EDNRB: variants seen among roughly 807,000 people sequenced by gnomAD.
The protein encoded by EDNRB is Hirschsprung disease 2.
Under a neutral mutation model 46.4 loss-of-function variants are expected in EDNRB, and 18 were observed. The ratio of observed to expected loss-of-function variants is 0.39; its 90% CI spans 0.27 to 0.57. EDNRB has a LOEUF of 0.57. Among genes scored for constraint, EDNRB ranks in the 20% least tolerant of loss-of-function variants. The pLI is 0.61. For synonymous variants in EDNRB, 213 were observed against 204.9 expected (o/e 1.04, Z -0.34); for missense variants, 434 against 537.5 (o/e 0.81, Z 1.90).
chr13:77,958,679 G>T (rs1173945892), intron 1 of EDNRB, among the ~76,000 whole-genome samples: 2 of 152,122 alleles, frequency 1.3e-5, no homozygotes, highest in African/African-American at 4.8e-5. Flanking sequence ...CAGCCCCCAG[G>T]TTATTTTAAT....
At chr13:77,974,244 A>G (rs969017146) in intron 1 of EDNRB, among the ~76,000 whole-genome samples, 13 of 151,184 alleles carry the variant, frequency 8.6e-5, no homozygotes, top group Admixed American at 4.0e-4. Flanking sequence ...TGCTTTTTTG[A>G]TTTAGGATAT....
At chr13:77,950,332 C>T (rs958887670) in intron 1 of EDNRB, among the ~76,000 whole-genome samples, 15 of 152,304 alleles carry the variant, frequency 9.8e-5, no homozygotes, top group African/African-American at 3.1e-4. Flanking sequence ...TAGGAGGCTC[C>T]ACTACAAGTA....
At chr13:77,957,925 C>T (rs1471546670) in intron 1 of EDNRB, among the ~76,000 whole-genome samples, 1 of 152,172 alleles carries the variant, frequency 6.6e-6, no homozygotes, top group African/African-American at 2.4e-5. Context: ...TGATTTACTC[C>T]AAGGCCACGT....
rs1041361359 is a variant in EDNRB at position 77,897,303 on chromosome 13, T to C, written c.*897A>G. 1.4e-5 allele frequency: 14 copies of C among 985,114 alleles called. No homozygotes were observed. In the African/African-American group the frequency reaches 2.3e-4, roughly 16 times the overall value. 61.0% of individuals were successfully genotyped at this position (985,114 alleles called of 1,614,324 possible). A position where few individuals can be genotyped will look rare whatever the true frequency, so the allele number is the denominator to read the frequency against. ...CCAAACAGAGTTTAAGCTACGATAG[T>C]GAAAGAAGAAGATTTTAATAATCCT... On this transcript the variant is annotated 3_prime_UTR_variant, in exon 7 of 7. Coordinates refer to ENST00000646607, the MANE Select transcript of EDNRB (RefSeq NM_001122659.3).
intron 1 of EDNRB, among the ~76,000 whole-genome samples, chr13:77,944,525 A>G (rs2137668069): frequency 6.6e-6 from 1 of 152,270 alleles, no homozygotes; most frequent in Admixed American, 6.5e-5. Flanking sequence ...AGAAATTAGA[A>G]ATCATTTACT....
chr13:77,918,765 CTT>C lies in EDNRB; in HGVS notation c.-194_-193del. 7.5e-7 allele frequency: 1 copy of C among 1,338,062 alleles called. No individual in the cohort carries two copies. The highest frequency in any genetic ancestry group is 9.5e-7 in the Non-Finnish European group (1 of 1,050,514). The allele number at this position is 1,338,062 out of a possible 1,614,324, so 82.9% of individuals were successfully genotyped here. A position where few individuals can be genotyped will look rare whatever the true frequency, so the allele number is the denominator to read the frequency against. On this transcript the variant is annotated 5_prime_UTR_variant, in exon 1 of 7. An upstream open reading frame in the 5' UTR loses its in-frame stop. Transcript: ENST00000646607. The surrounding 1 kb of genome is among the most constrained non-coding windows in gnomAD (Gnocchi z 4.5). The stretch of plus-strand genomic sequence containing the variant: ...CTCAAGTTTGCGCGCCAGTGGGAAA[CTT>C]GGCGCTCATGACTCGCCAGCGCGGG...
rs931010259 is a variant in EDNRB at position 77,937,377 on chromosome 13, G to A, written c.-51-18753C>T. Among the ~76,000 whole-genome samples the A allele has an allele frequency of 3.9e-5, 6 of 152,312 alleles. No individual in the cohort carries two copies. In the South Asian group the frequency reaches 6.2e-4, roughly 16 times the overall value. On this transcript the variant is annotated intron_variant, in intron 1 of 7. Coordinates refer to the EDNRB transcript ENST00000646948. ...GTGAAGCCAGCGGTTATCAGCGTGA[G>A]ATTGGGCTAGAGAAAAAACTCTTTC...
At chr13:77,938,345 G>A (rs559274220) in intron 1 of EDNRB, among the ~76,000 whole-genome samples, 1 of 152,076 alleles carries the variant, frequency 6.6e-6, no homozygotes, top group Non-Finnish European at 1.5e-5. Context: ...ACAGAGATAA[G>A]AGGTCGGGGT....
intron 1 of EDNRB, among the ~76,000 whole-genome samples, chr13:77,972,374 A>G (rs1881761319): frequency 6.6e-6 from 1 of 152,196 alleles, no homozygotes; most frequent in Non-Finnish European, 1.5e-5. Flanking sequence ...TTAATTGCTA[A>G]AGTTTGTTTT....
At chr13:77,937,999 G>C (rs1178154243) in intron 1 of EDNRB, among the ~76,000 whole-genome samples, 1 of 152,188 alleles carries the variant, frequency 6.6e-6, no homozygotes, top group Non-Finnish European at 1.5e-5. Flanking sequence ...AAAATTGAAA[G>C]TGCCATTTTC....
rs1878597424 is a variant in EDNRB at position 77,895,862 on chromosome 13, T to C, written c.*2338A>G. ...ATACTAAAAGGTGTTTGAACATACATCCACATTAGCAGTGGATAATAAGGG... is the reference window on the plus strand; with the variant it reads ...ATACTAAAAGGTGTTTGAACATACACCCACATTAGCAGTGGATAATAAGGG... On this transcript the variant is annotated 3_prime_UTR_variant, in exon 7 of 7. Coordinates refer to ENST00000646607, the MANE Select transcript of EDNRB (RefSeq NM_001122659.3). The C allele has an allele frequency of 6.6e-6, 1 of 152,344 alleles. No homozygotes were observed. Among genetic ancestry groups the C allele is most frequent in the Non-Finnish European group, 1.5e-5 (1 of 68,212 alleles). The allele number at this position is 152,344 out of a possible 1,614,324, so 9.4% of individuals were successfully genotyped here.
intron 1 of EDNRB, among the ~76,000 whole-genome samples, chr13:77,955,711 C>T (rs996761014): frequency 1.3e-5 from 2 of 152,004 alleles, no homozygotes; most frequent in African/African-American, 4.8e-5. Context: ...TTTTCCAATA[C>T]TGTTTATTAA....
chr13:77,954,319 A>G (rs1258084415), intron 1 of EDNRB, among the ~76,000 whole-genome samples: 1 of 151,946 alleles, frequency 6.6e-6, no homozygotes, highest in African/African-American at 2.4e-5. Context: ...ACACCATTCT[A>G]TTGTCTACTT....
upstream of EDNRB, among the ~76,000 whole-genome samples, chr13:77,923,116 T>C (rs182336609): frequency 6.6e-6 from 1 of 152,288 alleles, no homozygotes; most frequent in African/African-American, 2.4e-5. Context: ...TAACTAGAAA[T>C]AAGACTTCAT....
chr13:77,919,383 G>T, upstream of EDNRB: 1 of 1,606,078 alleles, frequency 6.2e-7, no homozygotes, highest in Non-Finnish European at 8.5e-7. Context: ...TCAACACCAA[G>T]CCCGAATGTT....
At chr13:77,922,807 G>A (rs1880123411), upstream of EDNRB, among the ~76,000 whole-genome samples, 2 of 152,124 alleles carry the variant, frequency 1.3e-5, no homozygotes, top group African/African-American at 4.8e-5. Flanking sequence ...CCAAATGTTT[G>A]CAATCCTGTG....
At chr13:77,952,282 G>C (rs1200121260) in intron 1 of EDNRB, among the ~76,000 whole-genome samples, 1 of 152,048 alleles carries the variant, frequency 6.6e-6, no homozygotes, top group Non-Finnish European at 1.5e-5. Context: ...CTGCTACAAG[G>C]GTTTGTGATA....
In EDNRB at chr13:77,918,494, T is replaced by C; in HGVS notation, c.80A>G (p.Glu27Gly). The C allele has an allele frequency of 6.4e-7, 1 of 1,568,446 alleles. No homozygotes were observed. The highest frequency in any genetic ancestry group is 1.2e-5 in the South Asian group (1 of 81,512). ...LACGLSRIWGEERGFPPDRAT... is the reference protein window; with the variant it reads ...LACGLSRIWGGERGFPPDRAT... ...CCTGTCAGGCGGGAAGCCTCTCTCC[T>C]CTCCCCAGATCCGCGACAGGCCGCA... The change falls in exon 1 of 7, where the codon GAG becomes GGG. Residue 27 changes from glutamate to glycine, a missense_variant. By Grantham distance (98) the Glu-to-Gly change is moderately conservative. Transcript: ENST00000646607. The surrounding 1 kb of genome is among the most constrained non-coding windows in gnomAD (Gnocchi z 4.5).
At chr13:77,937,416 G>A (rs1401436321) in intron 1 of EDNRB, among the ~76,000 whole-genome samples, 2 of 152,178 alleles carry the variant, frequency 1.3e-5, no homozygotes, top group Admixed American at 6.5e-5. Flanking sequence ...TTCATCTGGG[G>A]AGAGGGTAGA....
Sources: allele counts gnomAD v4.1 joint callset (sites outside exome capture counted in the v4.1 genomes callset), GRCh38; gene constraint gnomAD v4.1.1; non-coding constraint Gnocchi (gnomAD v3.1); transcripts MANE v1.5; gene names NCBI Gene and HGNC (gene_info 2026-07-23, HGNC 2026-07-21).